TRAK1: variants seen among roughly 807,000 people sequenced by gnomAD.
TRAK1 encodes the protein trafficking kinesin protein 1, also known as trafficking kinesin-binding protein 1.
TRAK1 carries 33 observed loss-of-function variants against 92.1 expected under a neutral mutation model. The observed-to-expected ratio is 0.36, with a 90% CI of 0.27 to 0.48. The LOEUF (loss-of-function observed/expected upper bound fraction) is 0.48, where lower values mean the gene tolerates loss of function less well. Ranked by LOEUF, TRAK1 falls within the 20% of genes least tolerant of loss-of-function variation. The pLI, the probability that TRAK1 is intolerant of heterozygous loss-of-function variation, is 0.99. For synonymous variants in TRAK1, 521 were observed against 517.3 expected (o/e 1.01, Z -0.10); for missense variants, 1,123 against 1,257.9 (o/e 0.89, Z 1.62).
At chr3:42,130,918 G>T (rs1697108914) in intron 2 of TRAK1, among the ~76,000 whole-genome samples, 1 of 152,116 alleles carries the variant, frequency 6.6e-6, no homozygotes, top group Non-Finnish European at 1.5e-5. Context: ...ATTGTGTGCA[G>T]GTCTCCTCAC....
intron 2 of TRAK1, among the ~76,000 whole-genome samples, chr3:42,153,623 C>T (rs1381230062): frequency 6.6e-6 from 1 of 152,140 alleles, no homozygotes; most frequent in Admixed American, 6.6e-5. Flanking sequence ...ATTCTTACAG[C>T]TTCTTACTCT....
intron 1 of TRAK1, among the ~76,000 whole-genome samples, chr3:42,035,277 A>G (rs1702286075): frequency 6.6e-6 from 1 of 151,760 alleles, no homozygotes. Context: ...CACCACCTTA[A>G]TTGCCTTGTA....
At chr3:42,026,894 A>G (rs1380863263) in intron 1 of TRAK1, among the ~76,000 whole-genome samples, 1 of 151,966 alleles carries the variant, frequency 6.6e-6, no homozygotes, top group African/African-American at 2.4e-5. Flanking sequence ...ATAGTAACCC[A>G]TGTCTTAGCT....
At chr3:42,178,783 T>G (rs1409792856) in intron 3 of TRAK1, among the ~76,000 whole-genome samples, 1 of 152,098 alleles carries the variant, frequency 6.6e-6, no homozygotes, top group African/African-American at 2.4e-5. Flanking sequence ...GAGACCAGCC[T>G]TGCCAACATG....
At chr3:42,033,265 T>C (rs1559711660) in intron 1 of TRAK1, among the ~76,000 whole-genome samples, 1 of 152,064 alleles carries the variant, frequency 6.6e-6, no homozygotes, top group Non-Finnish European at 1.5e-5. Flanking sequence ...GGATAAGGGA[T>C]TGCTGGGGCA....
intron 1 of TRAK1, among the ~76,000 whole-genome samples, chr3:42,054,108 A>G (rs1476997892): frequency 6.6e-6 from 1 of 152,240 alleles, no homozygotes; most frequent in Non-Finnish European, 1.5e-5. Context: ...TTATAAAGCA[A>G]GCTAACATTT....
intron 14 of TRAK1, chr3:42,210,939 C>G (rs1708950178): frequency 1.0e-6 from 1 of 985,436 alleles, no homozygotes; most frequent in Non-Finnish European, 1.2e-6. Context: ...GTGCTCAGAG[C>G]TCTGGGAATC....
chr3:42,185,746 A>G (rs1704723621), intron 4 of TRAK1, among the ~76,000 whole-genome samples: 2 of 145,952 alleles, frequency 1.4e-5, no homozygotes, highest in South Asian at 4.3e-4. Flanking sequence ...ATCCCAGCTC[A>G]CTGCAACTTC....
At chr3:42,110,865 A>C (rs1708300995) in intron 1 of TRAK1, among the ~76,000 whole-genome samples, 1 of 152,142 alleles carries the variant, frequency 6.6e-6, no homozygotes, top group Non-Finnish European at 1.5e-5. Context: ...CTTGTGAAGA[A>C]CCAGATGGCT....
intron 2 of TRAK1, among the ~76,000 whole-genome samples, chr3:42,154,766 T>C (rs778919930): frequency 1.2e-4 from 18 of 152,136 alleles, no homozygotes; most frequent in Non-Finnish European, 2.4e-4. Context: ...GCAAGGTCTT[T>C]GGGGACATGA....
chr3:42,034,271 A>G (rs566354312), intron 1 of TRAK1, among the ~76,000 whole-genome samples: 2 of 152,152 alleles, frequency 1.3e-5, no homozygotes, highest in East Asian at 3.9e-4. Flanking sequence ...CCTGTAAACC[A>G]GTGTCAGCTG....
At chr3:42,094,726 C>T (rs1705644753) in intron 1 of TRAK1, among the ~76,000 whole-genome samples, 2 of 152,178 alleles carry the variant, frequency 1.3e-5, no homozygotes, top group Admixed American at 6.5e-5. Context: ...AAATCCTGTT[C>T]TAGGTTTCTC....
Position 42,138,448 on chromosome 3 carries a change from A to G in TRAK1, c.286+12834A>G, listed in dbSNP as rs557488676. On this transcript the variant is annotated intron_variant, in intron 2 of 15. Transcript: ENST00000327628. ...AATGCAAAGACATATTTTTAAATTT[A>G]AAAAATAAGCTTTCTCCTTCCTTAT... 1.1e-4 allele frequency among the ~76,000 whole-genome samples: 16 copies of G among 152,336 alleles called. No individual in the cohort carries two copies. In the East Asian group the frequency reaches 2.7e-3, roughly 26 times the overall value.
chr3:42,144,252 C>T (rs1699052452), intron 2 of TRAK1, among the ~76,000 whole-genome samples: 1 of 138,834 alleles, frequency 7.2e-6, no homozygotes, highest in Non-Finnish European at 1.6e-5. Flanking sequence ...TGTTCATTTC[C>T]TGGCTTATTT....
At position 42,118,984 on chromosome 3, in the gene TRAK1, A is replaced by G. The variant is rs1709519706; in HGVS notation, c.92-6436A>G. On this transcript the variant is annotated intron_variant, in intron 1 of 15. Transcript: ENST00000327628. ...ACCTGCCTCATGTTGCAGGCTGGGC[A>G]TGTGTCTGTCCTGGACAGGCAGGGG... is the stretch of plus-strand genomic sequence containing the variant. 2.0e-5 allele frequency among the ~76,000 whole-genome samples: 3 copies of G among 152,138 alleles called. No individual in the cohort carries two copies. The South Asian group carries it at 6.2e-4, about 32-fold the overall frequency.
intron 1 of TRAK1, among the ~76,000 whole-genome samples, chr3:42,121,827 T>G (rs1709920588): frequency 6.6e-6 from 1 of 152,104 alleles, no homozygotes; most frequent in African/African-American, 2.4e-5. Context: ...TACAGTTGTT[T>G]TTTTTTTAAA....
intron 13 of TRAK1, among the ~76,000 whole-genome samples, chr3:42,208,775 C>T (rs751167680): frequency 6.6e-6 from 1 of 152,208 alleles, no homozygotes; most frequent in Non-Finnish European, 1.5e-5. Flanking sequence ...ATGGGGCTAG[C>T]CCTGCCAGCC....
At chr3:42,019,076 C>T (rs1159437991) in intron 1 of TRAK1, among the ~76,000 whole-genome samples, 3 of 151,668 alleles carry the variant, frequency 2.0e-5, no homozygotes, top group Non-Finnish European at 4.4e-5. Context: ...GAGCCAAGAT[C>T]GCACTACTGC....
Position 42,212,217 on chromosome 3 carries a change from C to T in TRAK1, c.1963+2232C>T, listed in dbSNP as rs569375264. ...TCATGGGGAAGGCATGGGGCATCCT[C>T]TGTCTTGGGATTTGTATCCATGGTG... On this transcript the variant is annotated intron_variant, in intron 14 of 15. Coordinates refer to ENST00000327628, the MANE Select transcript of TRAK1 (RefSeq NM_001042646.3). The T allele has an allele frequency of 8.1e-6, 8 of 985,466 alleles. No homozygotes were observed. In the South Asian group the frequency reaches 1.4e-4, roughly 17 times the overall value. 61.0% of individuals were successfully genotyped at this position (985,466 alleles called of 1,614,324 possible). A position where few individuals can be genotyped will look rare whatever the true frequency, so the allele number is the denominator to read the frequency against.
Sources: gnomAD v4.1 joint callset for allele counts (sites outside exome capture counted in the v4.1 genomes callset) on GRCh38, gnomAD v4.1.1 for gene constraint, MANE v1.5 for transcripts, NCBI Gene and HGNC (gene_info 2026-07-23, HGNC 2026-07-21) for gene names.